The following SEMA4A variants were observed in gnomAD, a reference collection of about 807,000 sequenced individuals.
The protein encoded by SEMA4A is semaphorin 4A, also known as semaphorin-4A.
SEMA4A carries 52 observed loss-of-function variants against 72.5 expected under a neutral mutation model. The ratio of observed to expected loss-of-function variants is 0.72; its 90% confidence interval spans 0.57 to 0.90. SEMA4A has a LOEUF of 0.90. Among genes scored for constraint, SEMA4A ranks in the 40% least tolerant of loss-of-function variants. The pLI, the probability that SEMA4A is intolerant of heterozygous loss-of-function variation, is 0.00. For synonymous variants in SEMA4A, 369 were observed against 393.1 expected (o/e 0.94, Z 0.73); for missense variants, 926 against 959.7 (o/e 0.96, Z 0.46).
At chr1:156,169,986 C>T (rs1402073685) in intron 10 of SEMA4A, among the ~76,000 whole-genome samples, 3 of 151,812 alleles carry the variant, frequency 2.0e-5, no homozygotes, top group South Asian at 2.1e-4. Context: ...GATCGTGCCA[C>T]TGCACTCCAG....
intron 6 of SEMA4A, chr1:156,159,041 A>C: frequency 1.8e-6 from 1 of 565,370 alleles, no homozygotes; most frequent in South Asian, 2.0e-5. Context: ...CAAAAAAAAA[A>C]AAAAAAAGCC....
At position 156,157,248 on chromosome 1, in the gene SEMA4A, G is replaced by A. The variant is rs909773545; in HGVS notation, c.300+674G>A. Among the ~76,000 whole-genome samples, 3 of 151,414 alleles carry A rather than the reference G, an allele frequency of 2.0e-5. No homozygotes were observed. The highest frequency in any genetic ancestry group is 4.9e-5 in the African/African-American group (2 of 41,150). On this transcript the variant is annotated intron_variant, in intron 3 of 14. Transcript: ENST00000368285. This position sits in a 1 kb window ranked among gnomAD's most constrained non-coding sequence, Gnocchi z 4.5. ...GTTGTCCAGGCTGGAGTGCAATGGC[G>A]TGATCTTGGCTCACTGTAACCTCTG... is the stretch of plus-strand genomic sequence containing the variant.
At chr1:156,166,234 G>T (rs917948268) in intron 10 of SEMA4A, among the ~76,000 whole-genome samples, 2 of 151,884 alleles carry the variant, frequency 1.3e-5, no homozygotes, top group Non-Finnish European at 1.5e-5. Context: ...GTAGAAACTA[G>T]GTTTCACCAT....
At chr1:156,166,622 A>G (rs1320185983) in intron 10 of SEMA4A, among the ~76,000 whole-genome samples, 3 of 152,020 alleles carry the variant, frequency 2.0e-5, no homozygotes, top group African/African-American at 7.2e-5. Flanking sequence ...CTGTGTTCAG[A>G]GACAGTGAAA....
intron 2 of SEMA4A, 190 bp downstream of exon 2, chr1:156,154,907 GA>G: frequency 1.4e-6 from 1 of 735,028 alleles, no homozygotes; most frequent in Non-Finnish European, 2.1e-6. Context: ...CAAAAGGAAA[GA>G]AAAGCCACTG....
chr1:156,157,209 T>A lies in SEMA4A; in HGVS notation c.300+635T>A, dbSNP rs1459017170. 1.3e-5 allele frequency among the ~76,000 whole-genome samples: 2 copies of A among 151,848 alleles called. No individual in the cohort carries two copies. The highest frequency in any genetic ancestry group is 2.9e-5 in the Non-Finnish European group (2 of 67,926). On this transcript the variant is annotated intron_variant, in intron 3 of 14. Coordinates refer to ENST00000368285, the MANE Select transcript of SEMA4A (RefSeq NM_022367.4). This position sits in a 1 kb window ranked among gnomAD's most constrained non-coding sequence, Gnocchi z 4.5. Reference sequence around the variant, plus strand: ...CTTCTGTGTCTTTTTTTTTTTGAGATGGAGTCTCACTCTGTTGTCCAGGCT... The same window carrying A: ...CTTCTGTGTCTTTTTTTTTTTGAGAAGGAGTCTCACTCTGTTGTCCAGGCT...
intron 4 of SEMA4A, 97 bp downstream of exon 4, chr1:156,158,229 C>A: frequency 7.4e-7 from 1 of 1,344,352 alleles, no homozygotes; most frequent in Non-Finnish European, 1.1e-6. Flanking sequence ...CAGTGGAGGG[C>A]ACTTGTTTGC....
chr1:156,167,831 A>G (rs1399237603), intron 10 of SEMA4A, among the ~76,000 whole-genome samples: 1 of 152,188 alleles, frequency 6.6e-6, no homozygotes, highest in Non-Finnish European at 1.5e-5. Flanking sequence ...CACTGTTTTC[A>G]CATATCTCTC....
chr1:156,169,655 C>T (rs1451430804), intron 10 of SEMA4A, among the ~76,000 whole-genome samples: 1 of 150,420 alleles, frequency 6.6e-6, no homozygotes, highest in African/African-American at 2.4e-5. Flanking sequence ...CTCCTGACCT[C>T]GTGATCCGCC....
intron 10 of SEMA4A, among the ~76,000 whole-genome samples, chr1:156,171,469 C>T (rs976317808): frequency 1.3e-5 from 2 of 152,250 alleles, no homozygotes; most frequent in Non-Finnish European, 2.9e-5. Context: ...CCACCCCTTT[C>T]TGTGACATCC....
rs1655186789 is a variant in SEMA4A at position 156,175,087 on chromosome 1, G to T, written c.1436G>T (p.Gly479Val). 6.2e-7 allele frequency: 1 copy of T among 1,614,158 alleles called. No individual in the cohort carries two copies. Among genetic ancestry groups the T allele is most frequent in the African/African-American group, 1.3e-5 (1 of 75,034 alleles). Residue 479 changes from glycine (G) to valine (V), a missense_variant and splice_region_variant, in exon 13 of 15, where the codon GGT (glycine) becomes GTT (valine). Transcript: ENST00000368285. ...TGACAATCTCCATCTCTCTTCCAGG[G>T]TGCAGTGTTTGTAGGCTTCTCAGGA... ...VRNLQLAPTQ[G>V]AVFVGFSGGV...
Position 156,175,097 on chromosome 1 carries a change from T to C in SEMA4A, c.1446T>C (p.Phe482=). ...LQLAPTQGAV[F]VGFSGGVWRV... ...CATCTCTCTTCCAGGGTGCAGTGTT[T>C]GTAGGCTTCTCAGGAGGTGTCTGGA... The change falls in exon 13 of 15, where the codon TTT becomes TTC. Residue 482 remains phenylalanine, a synonymous_variant. Transcript: ENST00000368285. The C allele has an allele frequency of 6.2e-7, 1 of 1,614,180 alleles. No homozygotes were observed. The highest frequency in any genetic ancestry group is 1.3e-5 in the African/African-American group (1 of 75,042).
At chr1:156,159,024 ATCGTC>A in intron 6 of SEMA4A, 200 bp downstream of exon 6, 1 of 427,994 alleles carries the variant, frequency 2.3e-6, no homozygotes, top group African/African-American at 2.3e-5. Context: ...ACACAGCGAG[ATCGTC>A]TCAAAAAAAA....
chr1:156,174,789 G>T, intron 11 of SEMA4A, 33 bp from the exon 12 acceptor site: 1 of 1,614,052 alleles, frequency 6.2e-7, no homozygotes, highest in Non-Finnish European at 8.5e-7. Context: ...TGGATGAGAT[G>T]AGATGACTTC....
At chr1:156,152,470 T>G (rs979172979), upstream of SEMA4A, among the ~76,000 whole-genome samples, 9 of 151,684 alleles carry the variant, frequency 5.9e-5, no homozygotes, top group Non-Finnish European at 1.0e-4. Context: ...GAGCTGGGGG[T>G]TGGGGAGACA....
At chr1:156,176,295 CAA>C (rs1174877148) in intron 14 of SEMA4A, 108 bp from the exon 15 acceptor site, 19,371 of 665,510 alleles carry the variant, frequency 0.029, no homozygotes, top group South Asian at 0.033. Context: ...GAACCTGCCT[CAA>C]AAAAAAAAAA....
At chr1:156,171,542 G>T (rs757175704) in intron 10 of SEMA4A, among the ~76,000 whole-genome samples, 2 of 152,244 alleles carry the variant, frequency 1.3e-5, no homozygotes, top group African/African-American at 2.4e-5. Flanking sequence ...CCTGTGCTAT[G>T]CTGGGAAATA....
chr1:156,164,272 T>G (rs887885296), intron 10 of SEMA4A, among the ~76,000 whole-genome samples: 19 of 152,120 alleles, frequency 1.2e-4, no homozygotes, highest in African/African-American at 4.6e-4. Flanking sequence ...CTTTTCAAAT[T>G]TATCTCAAAA....
intron 10 of SEMA4A, among the ~76,000 whole-genome samples, chr1:156,169,718 C>T (rs1200920117): frequency 6.7e-6 from 1 of 150,296 alleles, no homozygotes; most frequent in African/African-American, 2.4e-5. Context: ...CCACGCCTGG[C>T]TGGTTTATGT....
Sources: gnomAD v4.1 joint callset for allele counts (sites outside exome capture counted in the v4.1 genomes callset) on GRCh38, gnomAD v4.1.1 for gene constraint, Gnocchi (gnomAD v3.1) non-coding constraint, MANE v1.5 for transcripts, NCBI Gene and HGNC (gene_info 2026-07-23, HGNC 2026-07-21) for gene names.